MDGA2: variants seen among roughly 807,000 people sequenced by gnomAD.
MDGA2 encodes MAM domain-containing glycosylphosphatidylinositol anchor protein 2.
A neutral mutation model predicts 117.8 loss-of-function variants in MDGA2; 40 were observed. That is an observed-to-expected ratio of 0.34 (90% CI 0.26 to 0.44). The LOEUF is 0.44. Ranked by LOEUF, MDGA2 falls within the 20% of genes least tolerant of loss-of-function variation. The pLI is 1.00. For synonymous variants in MDGA2, 452 were observed against 439.0 expected (o/e 1.03, Z -0.37); for missense variants, 1,123 against 1,250.6 (o/e 0.90, Z 1.54).
intron 8 of MDGA2, among the ~76,000 whole-genome samples, chr14:46,998,002 C>A (rs1458402269): frequency 1.3e-5 from 2 of 151,620 alleles, no homozygotes; most frequent in African/African-American, 4.8e-5. Flanking sequence ...TTGAATAATC[C>A]TTATTGAATA....
intron 1 of MDGA2, among the ~76,000 whole-genome samples, chr14:47,628,365 C>T (rs1566548918): frequency 1.3e-5 from 2 of 152,180 alleles, no homozygotes; most frequent in South Asian, 2.1e-4. Context: ...TCTGAGAACA[C>T]GTTGGTTTTG....
chr14:47,429,109 CA>C (rs1371873835), intron 1 of MDGA2, among the ~76,000 whole-genome samples: 4 of 151,746 alleles, frequency 2.6e-5, no homozygotes, highest in Non-Finnish European at 2.9e-5. Flanking sequence ...CCTGTAATCC[CA>C]GCTACGTGGG....
In MDGA2 at chr14:47,139,883, C is replaced by T. The variant is rs868399006; in HGVS notation, c.792+4195G>A. On this transcript the variant is annotated intron_variant, in intron 4 of 16. Transcript: ENST00000399232. ...ACATATATATATATACACACACACA[C>T]ATATATATATATATATATACACATA... 2.5e-3 allele frequency among the ~76,000 whole-genome samples: 305 copies of T among 120,904 alleles called. 1 individual carries two copies. The East Asian group carries it at 0.026, about 10-fold the overall frequency. 79.3% of individuals were successfully genotyped at this position (120,904 alleles called of 152,430 possible).
chr14:46,952,358 T>C (rs974547581), intron 9 of MDGA2, among the ~76,000 whole-genome samples: 3 of 151,972 alleles, frequency 2.0e-5, no homozygotes, highest in African/African-American at 7.2e-5. Flanking sequence ...TTATAAGATG[T>C]ACCATTTATT....
intron 10 of MDGA2, among the ~76,000 whole-genome samples, chr14:46,919,072 T>A (rs1884021882): frequency 6.6e-6 from 1 of 152,170 alleles, no homozygotes; most frequent in Non-Finnish European, 1.5e-5. Context: ...ACAGTGTATC[T>A]TAATGTGAGT....
chr14:47,050,314 G>C (rs912995591), intron 7 of MDGA2, among the ~76,000 whole-genome samples: 3 of 151,982 alleles, frequency 2.0e-5, no homozygotes, highest in African/African-American at 7.2e-5. Flanking sequence ...GTCCTGAGGC[G>C]TCAGTGAAAT....
At chr14:46,909,385 T>G (rs932996529) in intron 10 of MDGA2, among the ~76,000 whole-genome samples, 4 of 152,170 alleles carry the variant, frequency 2.6e-5, no homozygotes, top group African/African-American at 7.2e-5. Context: ...AAGAACATTT[T>G]TTTTCCCATG....
At chr14:47,214,951 C>A (rs1349819384) in intron 3 of MDGA2, among the ~76,000 whole-genome samples, 2 of 152,098 alleles carry the variant, frequency 1.3e-5, no homozygotes, top group Non-Finnish European at 2.9e-5. Context: ...AGAATAAATT[C>A]TAACATCATT....
At chr14:47,053,335 G>A (rs1236965299) in intron 7 of MDGA2, among the ~76,000 whole-genome samples, 1 of 151,498 alleles carries the variant, frequency 6.6e-6, no homozygotes, top group African/African-American at 2.4e-5. Flanking sequence ...ACCTTTTCCT[G>A]ATCATCAGAA....
At chr14:47,329,345 A>G (rs1193030641) in intron 1 of MDGA2, among the ~76,000 whole-genome samples, 1 of 152,166 alleles carries the variant, frequency 6.6e-6, no homozygotes, top group African/African-American at 2.4e-5. Context: ...AAAAAAAGAC[A>G]AAAGGAAGAA....
At chr14:47,183,900 C>T (rs941514391) in intron 3 of MDGA2, among the ~76,000 whole-genome samples, 11 of 151,944 alleles carry the variant, frequency 7.2e-5, no homozygotes, top group African/African-American at 2.4e-4. Flanking sequence ...ATCTCCACCT[C>T]CCTTTTTGCA....
At chr14:47,530,879 T>G (rs1895084399) in intron 1 of MDGA2, among the ~76,000 whole-genome samples, 1 of 152,210 alleles carries the variant, frequency 6.6e-6, no homozygotes, top group African/African-American at 2.4e-5. Context: ...AGTGTTCACC[T>G]TACCTAAATT....
At chr14:47,622,268 C>A (rs1020761275) in intron 1 of MDGA2, among the ~76,000 whole-genome samples, 33 of 152,160 alleles carry the variant, frequency 2.2e-4, no homozygotes, top group African/African-American at 7.0e-4. Context: ...AATGACATCA[C>A]TATTTTTTAC....
intron 6 of MDGA2, among the ~76,000 whole-genome samples, chr14:47,084,009 T>C (rs1230776946): frequency 6.6e-6 from 1 of 152,202 alleles, no homozygotes; most frequent in South Asian, 2.1e-4. Flanking sequence ...CCCCTTTAAA[T>C]AGATGGAAAA....
At chr14:47,071,852 T>C (rs1173582293) in intron 6 of MDGA2, among the ~76,000 whole-genome samples, 2 of 152,110 alleles carry the variant, frequency 1.3e-5, no homozygotes, top group Admixed American at 6.5e-5. Flanking sequence ...ACAAGCAGCA[T>C]TTTTACCCAC....
At chr14:46,901,012 G>T (rs1214994999) in intron 10 of MDGA2, among the ~76,000 whole-genome samples, 1 of 151,892 alleles carries the variant, frequency 6.6e-6, no homozygotes, top group African/African-American at 2.4e-5. Flanking sequence ...CAGAATAAAT[G>T]ATTTTAAAAA....
chr14:47,455,628 G>A (rs540290672), intron 1 of MDGA2, among the ~76,000 whole-genome samples: 1 of 152,266 alleles, frequency 6.6e-6, no homozygotes, highest in Admixed American at 6.5e-5. Context: ...ATAAGACAAA[G>A]AAACAGTAGT....
In MDGA2 at chr14:47,335,745, T is replaced by TATATATATATATATATATATACACATAC; in HGVS notation, c.281-34196_281-34195insGTATGTGTATATATATATATATATATAT. Reference sequence around the variant, plus strand: ...TGCACACATATATTTTATATATATATATACATACATACATACAGGATCACT... The same window carrying TATATATATATATATATATATACACATAC: ...TGCACACATATATTTTATATATATATATATATATATATATATATATACACATACATACATACATACATACAGGATCACT... On this transcript the variant is annotated intron_variant, in intron 1 of 16. Coordinates refer to ENST00000399232, the MANE Select transcript of MDGA2 (RefSeq NM_001113498.3). Among the ~76,000 whole-genome samples, 79 of 95,562 alleles carry TATATATATATATATATATATACACATAC rather than the reference T, an allele frequency of 8.3e-4. 9 individuals carry two copies. Among genetic ancestry groups the TATATATATATATATATATATACACATAC allele is most frequent in the South Asian group, 3.0e-3 (8 of 2,652 alleles). The allele number at this position is 95,562 out of a possible 152,430, so 62.7% of individuals were successfully genotyped here.
intron 9 of MDGA2, among the ~76,000 whole-genome samples, chr14:46,945,242 C>T (rs1885131065): frequency 6.6e-6 from 1 of 152,066 alleles, no homozygotes; most frequent in Admixed American, 6.6e-5. Context: ...GTGGGACTCA[C>T]CGTTAAAATT....
Sources: allele counts gnomAD v4.1 joint callset (sites outside exome capture counted in the v4.1 genomes callset), GRCh38; gene constraint gnomAD v4.1.1; transcripts MANE v1.5; gene names NCBI Gene and HGNC (gene_info 2026-07-23, HGNC 2026-07-21).